TTN: variants seen among roughly 807,000 people sequenced by gnomAD.
TTN encodes the protein titin.
A neutral mutation model predicts 3,223.0 loss-of-function variants in TTN; 1,525 were observed. The ratio of observed to expected loss-of-function variants is 0.47; its 90% confidence interval spans 0.45 to 0.49. The LOEUF is 0.49. TTN is among the 20% of genes least tolerant of loss of function. The pLI, the probability that TTN is intolerant of heterozygous loss-of-function variation, is 0.00. For synonymous variants in TTN, 14,094 were observed against 15,161.0 expected, an observed-to-expected ratio of 0.93 and a Z score of 5.17; for missense variants, 40,786 against 43,424.0, an observed-to-expected ratio of 0.94 and a Z score of 5.40.
Position 178,612,429 on chromosome 2 carries a change from T to C in TTN, c.50096A>G (p.Gln16699Arg). 1 of 1,612,590 alleles carries C rather than the reference T, an allele frequency of 6.2e-7. No homozygotes were observed. Among genetic ancestry groups the C allele is most frequent in the Non-Finnish European group, 8.5e-7 (1 of 1,179,216 alleles). ...EKRDVRRKGWQTVDTTVKDTK... is the reference protein window; with the variant it reads ...EKRDVRRKGWRTVDTTVKDTK... Reference sequence around the variant, plus strand: ...GTCCTTGACAGTGGTATCCACTGTTTGCCAGCCTTTTCGCCTGACGTCTCT... The same window carrying C: ...GTCCTTGACAGTGGTATCCACTGTTCGCCAGCCTTTTCGCCTGACGTCTCT... Residue 16699 changes from glutamine to arginine, a missense_variant, in exon 266 of 363, where the codon CAA becomes CGA. Transcript: ENST00000589042.
In TTN at chr2:178,607,532, A is replaced by G. The variant is rs564121832; in HGVS notation, c.53156T>C (p.Val17719Ala). ...AGATTTGGTTCCAACGTTGTCTATTACAACACGGTCTTTATCCAGCTCCCC... is the reference window on the plus strand; with the variant it reads ...AGATTTGGTTCCAACGTTGTCTATTGCAACACGGTCTTTATCCAGCTCCCC... ...EEGELDKDRVVIDNVGTKSEL... is the reference protein window; with the variant it reads ...EEGELDKDRVAIDNVGTKSEL... The change falls in exon 277 of 363, where the codon GTA becomes GCA. Residue 17719 changes from valine (V) to alanine (A), a missense_variant. Transcript: ENST00000589042. 7.4e-5 allele frequency: 120 copies of G among 1,613,198 alleles called. No individual in the cohort carries two copies. In the South Asian group the frequency reaches 8.8e-4, roughly 12 times the overall value.
Position 178,546,806 on chromosome 2 carries a change from T to C in TTN, c.94622A>G (p.Tyr31541Cys). 6.2e-7 allele frequency: 1 copy of C among 1,613,390 alleles called. No individual in the cohort carries two copies. The highest frequency in any genetic ancestry group is 8.5e-7 in the Non-Finnish European group (1 of 1,179,448). ...AYDGGSKVVG[Y>C]IIERKPVSEV... Reference sequence around the variant, plus strand: ...ACTGACTGGCTTACGCTCTATGATGTAGCCCACAACCTTGCTGCCTCCATC... The same window carrying C: ...ACTGACTGGCTTACGCTCTATGATGCAGCCCACAACCTTGCTGCCTCCATC... Residue 31541 changes from tyrosine (Y) to cysteine (C), a missense_variant, in exon 341 of 363, where the codon TAC becomes TGC. Transcript: ENST00000589042.
At position 178,545,659 on chromosome 2, in the gene TTN, A is replaced by G. The variant is rs1297685072; in HGVS notation, c.95451T>C (p.Val31817=). ...TGATGATATGCTCTTTGCCAGTCCC[A>G]ACTTCTTCAGGTATGCCGGGTGGTG... ...IPSPPGIPEE[V]GTGKEHIIIQ... Residue 31817 remains valine, a synonymous_variant, in exon 344 of 363, where the codon GTT becomes GTC. Transcript: ENST00000589042. 1 of 1,613,664 alleles carries G rather than the reference A, an allele frequency of 6.2e-7. No individual in the cohort carries two copies. The highest frequency in any genetic ancestry group is 2.2e-5 in the East Asian group (1 of 44,876).
intron 294 of TTN, among the ~76,000 whole-genome samples, chr2:178,596,847 A>C (rs1399521465): frequency 6.6e-6 from 1 of 152,196 alleles, no homozygotes; most frequent in East Asian, 1.9e-4. Flanking sequence ...TGAGCAAATC[A>C]CTGGACTAAA....
chr2:178,612,605 A>T (rs774777095), intron 265 of TTN, 29 bp from the exon 266 acceptor site: 16 of 1,387,050 alleles, frequency 1.2e-5, no homozygotes, highest in Admixed American at 2.1e-5. Context: ...AAACAAATTC[A>T]TTTTTTTTTT....
Position 178,794,959 on chromosome 2 carries a change from C to G in TTN, c.1208G>C (p.Ser403Thr), listed in dbSNP as rs727505091. ...AGTGGCAACAGCCTCTGCTGCGTAG[C>G]TAGCACTGGCCGACACACTGGCGGC... is the stretch of plus-strand genomic sequence containing the variant. The part of the protein sequence containing the change: ...GAAASVSASA[S>T]YAAEAVATGA... The change falls in exon 7 of 363, where the codon AGC becomes ACC. Residue 403 changes from serine to threonine, a missense_variant. Transcript: ENST00000589042. 8.1e-6 allele frequency: 13 copies of G among 1,604,950 alleles called. No individual in the cohort carries two copies. Among genetic ancestry groups the G allele is most frequent in the Non-Finnish European group, 1.1e-5 (13 of 1,179,972 alleles).
chr2:178,585,318 T>A lies in TTN; in HGVS notation c.64426A>T (p.Ile21476Leu), dbSNP rs898981554. The A allele has an allele frequency of 1.9e-6, 3 of 1,609,142 alleles. No individual in the cohort carries two copies. Among genetic ancestry groups the A allele is most frequent in the Non-Finnish European group, 2.5e-6 (3 of 1,177,696 alleles). ...AGTTTTTTCCCAGCTTTGATAGTTA[T>A]TTGCTCTGGCATAAGGATCTTTGGT... ...LPPKILMPEQ[I>L]TIKAGKKLRI... is the part of the protein sequence containing the mutation. The change falls in exon 309 of 363, where the codon ATA becomes TTA. Residue 21476 changes from isoleucine (I) to leucine (L), a missense_variant. Coordinates refer to ENST00000589042, the MANE Select transcript of TTN (RefSeq NM_001267550.2).
Position 178,767,990 on chromosome 2 carries a change from A to C in TTN, c.9305+24T>G, listed in dbSNP as rs765153861. Reference sequence around the variant, plus strand: ...TCAGAGGAAACTGGGAATTACTGGAATGTAGCAAGACAAAACAACTGACCT... The same window carrying C: ...TCAGAGGAAACTGGGAATTACTGGACTGTAGCAAGACAAAACAACTGACCT... On this transcript the variant is annotated intron_variant, in intron 39 of 362. Coordinates refer to ENST00000589042, the MANE Select transcript of TTN (RefSeq NM_001267550.2). 1.9e-6 allele frequency: 3 copies of C among 1,614,110 alleles called. No individual in the cohort carries two copies. In the Admixed American group the frequency reaches 5.0e-5, roughly 27 times the overall value.
chr2:178,717,522 C>A lies in TTN; in HGVS notation c.25351+1G>T, dbSNP rs759606647. The A allele has an allele frequency of 3.1e-6, 5 of 1,597,078 alleles. No homozygotes were observed. Among genetic ancestry groups the A allele is most frequent in the Non-Finnish European group, 4.3e-6 (5 of 1,170,816 alleles). On this transcript the variant is annotated splice_donor_variant, in intron 87 of 362. Transcript: ENST00000589042. LOFTEE classifies it high-confidence loss of function. ...TGAAGAGGGTACTGTGAGTTACTCACCTGAGAGAATGAGCTTGGCACTGGA... is the reference window on the plus strand; with the variant it reads ...TGAAGAGGGTACTGTGAGTTACTCAACTGAGAGAATGAGCTTGGCACTGGA...
chr2:178,777,287 A>G lies in TTN; in HGVS notation c.4676T>C (p.Val1559Ala), dbSNP rs1262171318. 5 of 1,613,858 alleles carry G rather than the reference A, an allele frequency of 3.1e-6. No individual in the cohort carries two copies. Among genetic ancestry groups the G allele is most frequent in the Non-Finnish European group, 2.5e-6 (3 of 1,179,962 alleles). Reference protein sequence around the residue: ...AVEHQVKPMFVEKLKNVNIKE... With the variant: ...AVEHQVKPMFAEKLKNVNIKE... The stretch of plus-strand genomic sequence containing the variant: ...TATATTGACATTTTTCAGTTTTTCT[A>G]CAAACATCGGTTTTACCTGATGTTC... Residue 1559 changes from valine to alanine, a missense_variant, in exon 27 of 363, where the codon GTA becomes GCA. By Grantham distance (64) the Val-to-Ala change is moderately conservative (BLOSUM62 0). Coordinates refer to ENST00000589042, the MANE Select transcript of TTN (RefSeq NM_001267550.2).
chr2:178,751,646 C>A, intron 47 of TTN: 1 of 1,613,424 alleles, frequency 6.2e-7, no homozygotes, highest in Non-Finnish European at 8.5e-7. Context: ...AGACCCTTCA[C>A]TATTAATTGC....
chr2:178,768,895 C>T lies in TTN; in HGVS notation c.8941G>A (p.Glu2981Lys). 1 of 1,613,984 alleles carries T rather than the reference C, an allele frequency of 6.2e-7. No individual in the cohort carries two copies. The highest frequency in any genetic ancestry group is 8.5e-7 in the Non-Finnish European group (1 of 1,179,994). ...ITSMLKDINA[E>K]EKDTITFEVT... ...TCAAAAGTAATAGTGTCTTTTTCTT[C>T]AGCGTTGATGTCTTTCAGCATGGAA... Residue 2981 changes from glutamate (E) to lysine (K), a missense_variant, in exon 38 of 363, where the codon GAA becomes AAA. Glu to Lys is a moderately conservative substitution (Grantham distance 56). Transcript: ENST00000589042.
In TTN at chr2:178,552,785, T is replaced by C. The variant is rs778266858; in HGVS notation, c.90115A>G (p.Met30039Val). 8 of 1,613,820 alleles carry C rather than the reference T, an allele frequency of 5.0e-6. No individual in the cohort carries two copies. The highest frequency in any genetic ancestry group is 3.3e-5 in the Admixed American group (2 of 59,996). ...EVPAPIRDLSMKDSTKTSVIL... is the reference protein window; with the variant it reads ...EVPAPIRDLSVKDSTKTSVIL... ...ACAGATGTCTTTGTTGAGTCTTTCATTGAGAGATCACGTATAGGAGCTGGT... is the reference window on the plus strand; with the variant it reads ...ACAGATGTCTTTGTTGAGTCTTTCACTGAGAGATCACGTATAGGAGCTGGT... The change falls in exon 335 of 363, where the codon ATG becomes GTG. Residue 30039 changes from methionine to valine, a missense_variant. Physicochemically the swap from Met to Val is conservative, Grantham distance 21. Transcript: ENST00000589042.
chr2:178,787,262 G>A (rs989874644), intron 13 of TTN, among the ~76,000 whole-genome samples: 1 of 152,022 alleles, frequency 6.6e-6, no homozygotes, highest in Non-Finnish European at 1.5e-5. Context: ...GGTCTTTAGT[G>A]ATCATGGGCT....
intron 104 of TTN, 35 bp from the exon 105 acceptor site, chr2:178,704,812 T>A (rs1036845817): frequency 5.0e-6 from 8 of 1,607,276 alleles, no homozygotes; most frequent in Non-Finnish European, 6.8e-6. Context: ...CATTTGTTAC[T>A]CCTTCCCTTA....
intron 46 of TTN, 67 bp downstream of exon 46, chr2:178,756,155 A>C: frequency 8.5e-7 from 1 of 1,181,930 alleles, no homozygotes; most frequent in African/African-American, 1.5e-5. Flanking sequence ...TTGAATTTGC[A>C]TGGCAGAAAA....
At position 178,624,603 on chromosome 2, in the gene TTN, G is replaced by A; in HGVS notation, c.44677C>T (p.Leu14893Phe). The A allele has an allele frequency of 6.2e-7, 1 of 1,612,576 alleles. No individual in the cohort carries two copies. Among genetic ancestry groups the A allele is most frequent in the Non-Finnish European group, 8.5e-7 (1 of 1,179,136 alleles). ...VKWFKNGTEI[L>F]KSKKYEIVAD... ...ACAATTTCATACTTCTTGCTTTTGAGGATTTCTGTCCCATTTTTGAACCAT... is the reference window on the plus strand; with the variant it reads ...ACAATTTCATACTTCTTGCTTTTGAAGATTTCTGTCCCATTTTTGAACCAT... The change falls in exon 242 of 363, where the codon CTC becomes TTC. Residue 14893 changes from leucine to phenylalanine, a missense_variant. Transcript: ENST00000589042.
Position 178,770,157 on chromosome 2 carries a change from G to A in TTN, c.8544C>T (p.Val2848=). ...AGATGTTCTGCAGCATCAGCTTGTG[G>A]ACTTTCCTTTCTGAGACCAGTCTGT... ...DKHRLVSERK[V]HKLMLQNISP... The change falls in exon 36 of 363, where the codon GTC becomes GTT. Residue 2848 remains valine (V), a synonymous_variant. Coordinates refer to ENST00000589042, the MANE Select transcript of TTN (RefSeq NM_001267550.2). The A allele has an allele frequency of 1.2e-6, 2 of 1,614,102 alleles. No homozygotes were observed. The highest frequency in any genetic ancestry group is 1.7e-6 in the Non-Finnish European group (2 of 1,180,010).
At position 178,729,375 on chromosome 2, in the gene TTN, A is replaced by G. The variant is rs1438614038; in HGVS notation, c.18781T>C (p.Cys6261Arg). Residue 6261 changes from cysteine to arginine, a missense_variant, in exon 64 of 363, where the codon TGT becomes CGT. Coordinates refer to ENST00000589042, the MANE Select transcript of TTN (RefSeq NM_001267550.2). ...TATTCCCCAGTGTCTGAAGGGTCAC[A>G]CTTGGTTATATGGAGGTTAAACACA... ...VSVFNLHITKCDPSDTGEYQC... is the reference protein window; with the variant it reads ...VSVFNLHITKRDPSDTGEYQC... 1.9e-6 allele frequency: 3 copies of G among 1,613,476 alleles called. No homozygotes were observed. Among genetic ancestry groups the G allele is most frequent in the African/African-American group, 2.7e-5 (2 of 74,884 alleles).
Sources: allele counts gnomAD v4.1 joint callset (sites outside exome capture counted in the v4.1 genomes callset), GRCh38; gene constraint gnomAD v4.1.1; transcripts MANE v1.5; gene names NCBI Gene and HGNC (gene_info 2026-07-23, HGNC 2026-07-21).